HTR2A: variants seen among roughly 807,000 people sequenced by gnomAD.
The protein encoded by HTR2A is 5-HT2 receptor.
Under a neutral mutation model 31.0 loss-of-function variants are expected in HTR2A, and 14 were observed. The ratio of observed to expected loss-of-function variants is 0.45; its 90% CI spans 0.30 to 0.71. The LOEUF is 0.71. Among genes scored for constraint, HTR2A ranks in the 30% least tolerant of loss-of-function variants. The pLI is 0.09. For missense variants in HTR2A, 442 were observed against 573.3 expected (o/e 0.77, Z 2.34); for synonymous variants, 209 against 225.2 (o/e 0.93, Z 0.64).
chr13:46,863,782 G>T (rs1950800217), intron 3 of HTR2A, among the ~76,000 whole-genome samples: 1 of 152,040 alleles, frequency 6.6e-6, no homozygotes, highest in African/African-American at 2.4e-5. Context: ...CGCTGGCAAG[G>T]TTGTGGAGAA....
upstream of HTR2A, among the ~76,000 whole-genome samples, chr13:46,898,078 T>C (rs1355613039): frequency 6.6e-5 from 10 of 152,162 alleles, no homozygotes; most frequent in Non-Finnish European, 1.3e-4. Flanking sequence ...GTTTCTCACA[T>C]GTCCTCTCCT....
Position 46,896,918 on chromosome 13 carries a change from G to A in HTR2A, c.-573C>T, listed in dbSNP as rs1031385376. ...CGGCTGGGTTCCTCCCTCCCTGTGC[G>A]GCTCGCCTCAGCAGGCACACATTTA... On this transcript the variant is annotated 5_prime_UTR_variant, in exon 1 of 4. Transcript: ENST00000542664. 33 of 1,152,160 alleles carry A rather than the reference G, an allele frequency of 2.9e-5. No homozygotes were observed. Among genetic ancestry groups the A allele is most frequent in the African/African-American group, 2.6e-4 (17 of 64,158 alleles). The allele number at this position is 1,152,160 out of a possible 1,614,324, so 71.4% of individuals were successfully genotyped here.
Position 46,835,299 on chromosome 13 carries a change from C to T in HTR2A, c.954G>A (p.Glu318=), listed in dbSNP as rs146528709. 6.2e-3 allele frequency: 10,034 copies of T among 1,614,124 alleles called. 188 individuals carry two copies. The highest frequency in any genetic ancestry group is 0.045 in the South Asian group (4,111 of 91,086). The change falls in exon 4 of 4, where the codon GAG becomes GAA. Residue 318 remains glutamate, a synonymous_variant. Coordinates refer to ENST00000542664, the MANE Select transcript of HTR2A (RefSeq NM_000621.5). ...TGCCCAGCACCTTGCATGCCTTTTG[C>T]TCATTGCTGATGGACTGCATAGTCC... ...GRRTMQSISN[E]QKACKVLGIV...
intron 3 of HTR2A, among the ~76,000 whole-genome samples, chr13:46,889,620 A>G (rs532985483): frequency 1.3e-5 from 2 of 152,362 alleles, no homozygotes; most frequent in South Asian, 4.1e-4. Flanking sequence ...GAACATATCA[A>G]TAGCTTGAAG....
At chr13:46,864,056 G>A (rs1357333052) in intron 3 of HTR2A, among the ~76,000 whole-genome samples, 3 of 152,090 alleles carry the variant, frequency 2.0e-5, no homozygotes, top group East Asian at 3.9e-4. Flanking sequence ...AGAAAATGTG[G>A]TACATATATA....
At chr13:46,876,479 A>C (rs957202160) in intron 3 of HTR2A, among the ~76,000 whole-genome samples, 1 of 136,830 alleles carries the variant, frequency 7.3e-6, no homozygotes, top group Admixed American at 8.4e-5. Context: ...GCGCAATCTC[A>C]GCTCACTGCA....
intron 3 of HTR2A, among the ~76,000 whole-genome samples, chr13:46,875,720 C>T (rs951430047): frequency 6.6e-6 from 1 of 152,084 alleles, no homozygotes; most frequent in African/African-American, 2.4e-5. Flanking sequence ...AGAAATCTTC[C>T]TAGAAGTGAC....
intron 3 of HTR2A, among the ~76,000 whole-genome samples, chr13:46,872,779 A>C (rs1950873431): frequency 6.6e-6 from 1 of 152,184 alleles, no homozygotes; most frequent in Non-Finnish European, 1.5e-5. Flanking sequence ...TCCAATCCTA[A>C]ACTGATAGTG....
intron 3 of HTR2A, among the ~76,000 whole-genome samples, chr13:46,887,889 G>A (rs527669471): frequency 1.4e-4 from 21 of 145,858 alleles, no homozygotes; most frequent in African/African-American, 4.5e-4. Context: ...ACATGGTGGG[G>A]ATCAACACAC....
Position 46,895,993 on chromosome 13 carries a change from C to T in HTR2A, c.-87G>A, listed in dbSNP as rs1593447992. The stretch of plus-strand genomic sequence containing the variant: ...CACCATTCACCTTGATGTACCCACA[C>T]TCTGTAACACTGAGGCTGGTGTACA... On this transcript the variant is annotated 5_prime_UTR_variant, in exon 2 of 4. It adds an upstream start codon to the 5' untranslated region. Coordinates refer to ENST00000542664, the MANE Select transcript of HTR2A (RefSeq NM_000621.5). The surrounding 1 kb of genome is among the most constrained non-coding windows in gnomAD (Gnocchi z 4.4). 8.0e-6 allele frequency: 12 copies of T among 1,505,928 alleles called. No homozygotes were observed. The East Asian group carries it at 2.1e-4, about 26-fold the overall frequency. 93.3% of individuals were successfully genotyped at this position (1,505,928 alleles called of 1,614,324 possible).
chr13:46,855,648 G>A (rs1317570116), intron 3 of HTR2A, among the ~76,000 whole-genome samples: 1 of 152,108 alleles, frequency 6.6e-6, no homozygotes, highest in Non-Finnish European at 1.5e-5. Context: ...AAAGGCCTAA[G>A]GTGGGATGGC....
At chr13:46,839,562 C>G (rs1950583493) in intron 3 of HTR2A, among the ~76,000 whole-genome samples, 1 of 152,184 alleles carries the variant, frequency 6.6e-6, no homozygotes, top group Admixed American at 6.5e-5. Context: ...CTTGAAATTT[C>G]TGCATATAAA....
At chr13:46,855,409 C>T (rs1266043599) in intron 3 of HTR2A, among the ~76,000 whole-genome samples, 1 of 152,096 alleles carries the variant, frequency 6.6e-6, no homozygotes, top group Non-Finnish European at 1.5e-5. Context: ...AATATATTTT[C>T]TGGTGGGTGG....
intron 3 of HTR2A, among the ~76,000 whole-genome samples, chr13:46,890,359 G>C (rs1951042908): frequency 6.6e-6 from 1 of 152,188 alleles, no homozygotes; most frequent in African/African-American, 2.4e-5. Flanking sequence ...GACTGGCCAA[G>C]TGGATGGATG....
intron 3 of HTR2A, among the ~76,000 whole-genome samples, chr13:46,859,248 C>T (rs1950762516): frequency 6.6e-6 from 1 of 152,116 alleles, no homozygotes; most frequent in African/African-American, 2.4e-5. Context: ...ATGGCTGATT[C>T]CTCTCATTCT....
chr13:46,836,280 T>C (rs986185152), intron 3 of HTR2A, among the ~76,000 whole-genome samples: 1 of 151,988 alleles, frequency 6.6e-6, no homozygotes, highest in Non-Finnish European at 1.5e-5. Context: ...CTAGAAAATT[T>C]GGGAGGTACA....
At chr13:46,868,444 T>C (rs564308032) in intron 3 of HTR2A, among the ~76,000 whole-genome samples, 86 of 152,372 alleles carry the variant, frequency 5.6e-4, no homozygotes, top group African/African-American at 2.1e-3. Context: ...GGGTCATTCA[T>C]ACGACCAAAA....
intron 3 of HTR2A, among the ~76,000 whole-genome samples, chr13:46,837,497 A>G (rs577544601): frequency 6.4e-4 from 98 of 152,302 alleles, no homozygotes; most frequent in Non-Finnish European, 1.2e-3. Context: ...ACTCCTGCCC[A>G]TATTATCAGC....
chr13:46,856,078 T>C (rs1194756311), intron 3 of HTR2A: 1 of 152,244 alleles, frequency 6.6e-6, no homozygotes, highest in East Asian at 1.9e-4. Context: ...CCTGGTTATA[T>C]GTTGATCTTA....
Sources: allele counts gnomAD v4.1 joint callset (sites outside exome capture counted in the v4.1 genomes callset), GRCh38; gene constraint gnomAD v4.1.1; non-coding constraint Gnocchi (gnomAD v3.1); transcripts MANE v1.5; gene names NCBI Gene and HGNC (gene_info 2026-07-23, HGNC 2026-07-21).